The following PDE6B variants were observed in gnomAD, a reference collection of about 807,000 sequenced individuals.
PDE6B encodes the protein phosphodiesterase 6B, also known as rod cGMP-specific 3',5'-cyclic phosphodiesterase subunit beta.
In PDE6B, 106 loss-of-function variants were observed where a neutral mutation model predicts 109.0. That is an observed-to-expected ratio of 0.97 (90% CI 0.83 to 1.14). PDE6B has a LOEUF of 1.14. Ranked by LOEUF, PDE6B falls within the 50% of genes most tolerant of loss-of-function variation. PDE6B has a pLI of 0.00. For synonymous variants in PDE6B, 490 were observed against 471.3 expected (o/e 1.04, Z -0.51); for missense variants, 1,193 against 1,155.6 (o/e 1.03, Z -0.47).
At chr4:664,069 T>A in intron 16 of PDE6B, 45 bp from the exon 17 acceptor site, 1 of 1,294,040 alleles carries the variant, frequency 7.7e-7, no homozygotes, top group South Asian at 1.2e-5. Flanking sequence ...GGGCGGGGTC[T>A]CCACACTTGC....
Position 664,891 on chromosome 4 carries a change from A to T in PDE6B, c.2140A>T (p.Met714Leu), listed in dbSNP as rs751413984. Residue 714 changes from methionine (M) to leucine (L), a missense_variant, in exon 18 of 22, where the codon ATG becomes TTG. Transcript: ENST00000496514. ...TRKEIVMAMM[M>L]TACDLSAITK... ...GGTTTGTGTCTGCAGGGCCATGATGATGACAGCCTGCGACCTGTCTGCCAT... is the reference window on the plus strand; with the variant it reads ...GGTTTGTGTCTGCAGGGCCATGATGTTGACAGCCTGCGACCTGTCTGCCAT... 26 of 1,613,128 alleles carry T rather than the reference A, an allele frequency of 1.6e-5. No individual in the cohort carries two copies. Among genetic ancestry groups the T allele is most frequent in the Non-Finnish European group, 2.1e-5 (25 of 1,179,910 alleles).
rs915733369 is a variant in PDE6B at position 665,893 on chromosome 4, C to T, written c.2268+564C>T. 1.3e-5 allele frequency among the ~76,000 whole-genome samples: 2 copies of T among 152,068 alleles called. No homozygotes were observed. The highest frequency in any genetic ancestry group is 4.2e-4 in the South Asian group (2 of 4,818). On this transcript the variant is annotated intron_variant, in intron 19 of 21. Coordinates refer to ENST00000496514, the MANE Select transcript of PDE6B (RefSeq NM_000283.4). The surrounding 1 kb of genome is among the most constrained non-coding windows in gnomAD (Gnocchi z 4.0). Reference sequence around the variant, plus strand: ...CTCACACACCCGCTCTGGTGGGCGGCGAGGGGCTCTCTGGAGCCTGCAGTG... The same window carrying T: ...CTCACACACCCGCTCTGGTGGGCGGTGAGGGGCTCTCTGGAGCCTGCAGTG...
chr4:627,866 G>A (rs953709838), intron 1 of PDE6B, among the ~76,000 whole-genome samples: 7 of 151,326 alleles, frequency 4.6e-5, no homozygotes, highest in East Asian at 3.9e-4. Flanking sequence ...GTCCCCACCC[G>A]GCTGATGGTG....
In PDE6B at chr4:656,759, C is replaced by T. The variant is rs566531598; in HGVS notation, c.1108-115C>T. ...AATGCAGAGAGCAGAGACAGGAACA[C>T]GAGCCCAGCCGTCACGGCTCTAGGG... On this transcript the variant is annotated intron_variant, in intron 8 of 21. Coordinates refer to ENST00000496514, the MANE Select transcript of PDE6B (RefSeq NM_000283.4). 26 of 909,054 alleles carry T rather than the reference C, an allele frequency of 2.9e-5. 1 individual carries two copies. Among genetic ancestry groups the T allele is most frequent in the South Asian group, 2.4e-4 (17 of 72,272 alleles). 56.3% of individuals were successfully genotyped at this position (909,054 alleles called of 1,614,324 possible). A position where few individuals can be genotyped will look rare whatever the true frequency, so the allele number is the denominator to read the frequency against.
At chr4:649,533 T>G (rs982167170) in intron 3 of PDE6B, among the ~76,000 whole-genome samples, 4 of 152,110 alleles carry the variant, frequency 2.6e-5, no homozygotes, top group Non-Finnish European at 5.9e-5. Context: ...AGCGCCATTC[T>G]TGGATTCCCC....
chr4:629,744 C>G (rs1409893887), intron 1 of PDE6B, among the ~76,000 whole-genome samples: 1 of 152,194 alleles, frequency 6.6e-6, no homozygotes, highest in African/African-American at 2.4e-5. Flanking sequence ...AGGAGGGTGG[C>G]AGGACCGGCC....
chr4:627,579 C>T (rs115501488), intron 1 of PDE6B, among the ~76,000 whole-genome samples: 2,124 of 152,236 alleles, frequency 0.014, 25 homozygotes, highest in Admixed American at 0.022. Context: ...AATCGTGCAT[C>T]AGGAGCATGA....
At chr4:668,386 T>G (rs1738040475) in intron 21 of PDE6B, among the ~76,000 whole-genome samples, 1 of 151,708 alleles carries the variant, frequency 6.6e-6, no homozygotes. Flanking sequence ...GCTCTGAGGT[T>G]TGGCTTGCTA....
chr4:634,772 G>C lies in PDE6B; in HGVS notation c.564G>C (p.Ala188=). The part of the protein sequence containing the change: ...TPIMNGKDVV[A]VIMAVNKLNG... ...TCATGAATGGCAAAGACGTCGTGGC[G>C]GTGATCATGGCAGTGAACAAGCTCA... The change falls in exon 2 of 22, where the codon GCG becomes GCC. Residue 188 remains alanine, a synonymous_variant. Coordinates refer to ENST00000496514, the MANE Select transcript of PDE6B (RefSeq NM_000283.4). The C allele has an allele frequency of 6.2e-7, 1 of 1,613,798 alleles. No individual in the cohort carries two copies. Among genetic ancestry groups the C allele is most frequent in the Non-Finnish European group, 8.5e-7 (1 of 1,179,718 alleles).
In PDE6B at chr4:663,346, C is replaced by T. The variant is rs1737353218; in HGVS notation, c.1920+159C>T. On this transcript the variant is annotated intron_variant, in intron 15 of 21. Coordinates refer to ENST00000496514, the MANE Select transcript of PDE6B (RefSeq NM_000283.4). The surrounding 1 kb of genome is among the most constrained non-coding windows in gnomAD (Gnocchi z 4.0). ...CGGCAGAGAAGGCGGAGGGCCGAGG[C>T]TGAGGGCAGGTGCATCGGAGGCCCT... 6.6e-6 allele frequency among the ~76,000 whole-genome samples: 1 copy of T among 152,148 alleles called. No homozygotes were observed. The highest frequency in any genetic ancestry group is 6.5e-5 in the Admixed American group (1 of 15,280).
In PDE6B at chr4:633,938, C is replaced by T. The variant is rs1334889701; in HGVS notation, c.469-739C>T. 7.9e-5 allele frequency among the ~76,000 whole-genome samples: 12 copies of T among 151,026 alleles called. No individual in the cohort carries two copies. Among genetic ancestry groups the T allele is most frequent in the South Asian group, 2.1e-4 (1 of 4,722 alleles). Reference sequence around the variant, plus strand: ...TCAGCTGACCTGTTCCTTGAGGGGCCGGAACCTAAGAGCCAAGAGAGGAGG... The same window carrying T: ...TCAGCTGACCTGTTCCTTGAGGGGCTGGAACCTAAGAGCCAAGAGAGGAGG... On this transcript the variant is annotated intron_variant, in intron 1 of 21. Transcript: ENST00000496514. The surrounding 1 kb of genome is among the most constrained non-coding windows in gnomAD (Gnocchi z 4.5).
In PDE6B at chr4:658,856, A is replaced by C. The variant is rs1364595414; in HGVS notation, c.1402-96A>C. The C allele has an allele frequency of 5.7e-6, 5 of 883,624 alleles. No homozygotes were observed. The Admixed American group carries it at 9.4e-5, about 17-fold the overall frequency. 54.7% of individuals were successfully genotyped at this position (883,624 alleles called of 1,614,324 possible). ...CAGGGTGAAAGCACAAGCTCTTGAC[A>C]GCACCTTCCTCTAGCTCACACGGGG... On this transcript the variant is annotated intron_variant, in intron 10 of 21. Transcript: ENST00000496514.
At chr4:628,500 A>T (rs1560100448) in intron 1 of PDE6B, among the ~76,000 whole-genome samples, 1 of 152,172 alleles carries the variant, frequency 6.6e-6, no homozygotes, top group Non-Finnish European at 1.5e-5. Context: ...ACATTGGGGA[A>T]CTAATGTCTG....
rs1668409173 is a variant in PDE6B at position 648,439 on chromosome 4, C to T, written c.712-5413C>T. On this transcript the variant is annotated intron_variant, in intron 3 of 21. Coordinates refer to ENST00000496514, the MANE Select transcript of PDE6B (RefSeq NM_000283.4). The surrounding 1 kb of genome is among the most constrained non-coding windows in gnomAD (Gnocchi z 4.5). ...GCAAAGATTGGCCCCCGCAGTCCGC[C>T]CAACGCCTGCACTTCGTCTGCCTCC... Among the ~76,000 whole-genome samples the T allele has an allele frequency of 6.6e-6, 1 of 150,504 alleles. No homozygotes were observed. The highest frequency in any genetic ancestry group is 1.5e-5 in the Non-Finnish European group (1 of 68,016).
rs779254777 is a variant in PDE6B, at chr4:625,604, G to A, written c.-23G>A. 1.1e-5 allele frequency: 16 copies of A among 1,516,622 alleles called. No homozygotes were observed. The highest frequency in any genetic ancestry group is 1.7e-4 in the Middle Eastern group (1 of 5,890). 93.9% of individuals were successfully genotyped at this position (1,516,622 alleles called of 1,614,324 possible). On this transcript the variant is annotated 5_prime_UTR_variant, in exon 1 of 22. Transcript: ENST00000496514. This position sits in a 1 kb window ranked among gnomAD's most constrained non-coding sequence, Gnocchi z 5.0. ...GTCCATGCGTGCCTGGAGCAGCAGC[G>A]TCTCCAGGGACAGGCAGCCACCATG... is the stretch of plus-strand genomic sequence containing the variant.
chr4:661,044 G>GTTGGATGGTTGGATAAATTGATGGA (rs1560130898), intron 12 of PDE6B, among the ~76,000 whole-genome samples: 1 of 152,234 alleles, frequency 6.6e-6, no homozygotes, highest in African/African-American at 2.4e-5. Flanking sequence ...GGATGGGTGA[G>GTTGGATGGTTGGATAAATTGATGGA]TGGGCCAATG....
At chr4:644,182 G>A (rs1046793188) in intron 3 of PDE6B, among the ~76,000 whole-genome samples, 1 of 151,894 alleles carries the variant, frequency 6.6e-6, no homozygotes, top group Non-Finnish European at 1.5e-5. Context: ...CTCCCAAAGT[G>A]CTGGGATTAC....
chr4:632,035 G>A (rs1455963366), intron 1 of PDE6B, among the ~76,000 whole-genome samples: 1 of 145,168 alleles, frequency 6.9e-6, no homozygotes, highest in African/African-American at 2.6e-5. Context: ...GATCTGCATG[G>A]CACCATCTGA....
chr4:647,936 G>T (rs781465898), intron 3 of PDE6B, among the ~76,000 whole-genome samples: 1 of 151,920 alleles, frequency 6.6e-6, no homozygotes, highest in Non-Finnish European at 1.5e-5. Context: ...TTAGCTGGGC[G>T]TGGTGGTGCA....
Sources: gnomAD v4.1 joint callset for allele counts (sites outside exome capture counted in the v4.1 genomes callset) on GRCh38, gnomAD v4.1.1 for gene constraint, Gnocchi (gnomAD v3.1) non-coding constraint, MANE v1.5 for transcripts, NCBI Gene and HGNC (gene_info 2026-07-23, HGNC 2026-07-21) for gene names.